CFAP97: variants seen among roughly 807,000 people sequenced by gnomAD.
CFAP97 encodes the protein cilia- and flagella-associated protein 97.
Under a neutral mutation model 43.1 loss-of-function variants are expected in CFAP97, and 36 were observed. The observed-to-expected ratio is 0.84, with a 90% CI of 0.64 to 1.10. CFAP97 has a LOEUF of 1.10. Ranked by LOEUF, CFAP97 falls within the 50% of genes least tolerant of loss-of-function variation. The pLI is 0.00. For synonymous variants in CFAP97, 228 were observed against 225.7 expected (o/e 1.01, Z -0.09); for missense variants, 657 against 620.3 (o/e 1.06, Z -0.63).
intron 1 of CFAP97, among the ~76,000 whole-genome samples, chr4:185,196,302 G>C (rs979421190): frequency 3.3e-5 from 5 of 151,934 alleles, no homozygotes; most frequent in Admixed American, 3.3e-4. Context: ...ATGAAACCCT[G>C]TCTCTACCAA....
upstream of CFAP97, chr4:185,209,848 A>G: frequency 1.0e-6 from 1 of 983,204 alleles, no homozygotes; most frequent in South Asian, 4.7e-5. This position sits in a 1 kb window ranked among gnomAD's most constrained non-coding sequence, Gnocchi z 5.2. Context: ...TGCGACCGAC[A>G]GTGGCGGCGC....
At chr4:185,203,842 G>A (rs1010008178) in intron 1 of CFAP97, 56 bp downstream of exon 1, 1 of 151,998 alleles carries the variant, frequency 6.6e-6, no homozygotes, top group African/African-American at 2.4e-5. Context: ...GAACGGAAAG[G>A]AGCGTGGCGG....
intron 1 of CFAP97, among the ~76,000 whole-genome samples, chr4:185,203,456 G>A (rs778755655): frequency 1.3e-5 from 2 of 152,108 alleles, no homozygotes; most frequent in African/African-American, 4.8e-5. Flanking sequence ...TGAAAATCCC[G>A]GCCCAAATTA....
chr4:185,206,053 T>C (rs1737175269), upstream of CFAP97, among the ~76,000 whole-genome samples: 1 of 152,246 alleles, frequency 6.6e-6, no homozygotes, highest in South Asian at 2.1e-4. Flanking sequence ...CCCTTATGCA[T>C]TGCTTGTGAG....
chr4:185,195,818 A>T (rs1736513091), intron 1 of CFAP97, among the ~76,000 whole-genome samples: 2 of 152,198 alleles, frequency 1.3e-5, no homozygotes, highest in South Asian at 4.1e-4. Flanking sequence ...TAGGTCTTAT[A>T]ACACTGTCAT....
intron 3 of CFAP97, among the ~76,000 whole-genome samples, chr4:185,173,499 C>A (rs1348140389): frequency 6.6e-6 from 1 of 151,968 alleles, no homozygotes; most frequent in Admixed American, 6.6e-5. Flanking sequence ...TGCCAATATT[C>A]ACTTCAGTAT....
intron 3 of CFAP97, chr4:185,169,861 A>G: frequency 1.0e-6 from 1 of 985,826 alleles, no homozygotes; most frequent in Non-Finnish European, 1.2e-6. Flanking sequence ...CTTCAACGGA[A>G]GGAGATAACA....
intron 1 of CFAP97, among the ~76,000 whole-genome samples, chr4:185,196,695 T>A (rs1736560589): frequency 6.6e-6 from 1 of 152,038 alleles, no homozygotes; most frequent in Non-Finnish European, 1.5e-5. Context: ...AGGTTAAACT[T>A]TGGGTGGTAT....
chr4:185,196,825 C>T (rs570909873), intron 1 of CFAP97, among the ~76,000 whole-genome samples: 2 of 152,026 alleles, frequency 1.3e-5, no homozygotes, highest in East Asian at 3.9e-4. Flanking sequence ...TAAGGCCAAG[C>T]GCAGTGGGTT....
intron 2 of CFAP97, among the ~76,000 whole-genome samples, chr4:185,180,548 G>C (rs984076683): frequency 6.6e-6 from 1 of 151,924 alleles, no homozygotes; most frequent in Non-Finnish European, 1.5e-5. Context: ...TTAGCATAAT[G>C]TCCTCACGGT....
At chr4:185,164,656 C>T (rs1251133951) in intron 3 of CFAP97, among the ~76,000 whole-genome samples, 2 of 152,158 alleles carry the variant, frequency 1.3e-5, no homozygotes, top group African/African-American at 4.8e-5. Context: ...ACCATGGCTT[C>T]AGGCTGCTAA....
intron 3 of CFAP97, among the ~76,000 whole-genome samples, chr4:185,167,369 G>C (rs1735112156): frequency 6.6e-6 from 1 of 152,160 alleles, no homozygotes; most frequent in African/African-American, 2.4e-5. Flanking sequence ...CCAAGAGGCA[G>C]AGGAGAATGG....
At chr4:185,178,109 T>C (rs1347238566) in intron 2 of CFAP97, among the ~76,000 whole-genome samples, 1 of 151,932 alleles carries the variant, frequency 6.6e-6, no homozygotes, top group Non-Finnish European at 1.5e-5. Context: ...CTTAGATGCA[T>C]AAAACATGTG....
In CFAP97 at chr4:185,160,228, T is replaced by C. The variant is rs1258367556; in HGVS notation, c.*2570A>G. ...AATAACTTTAATAGTTAAAAAACTTTCGTAGAATCTTACTAAAAAGGAGGC... is the reference window on the plus strand; with the variant it reads ...AATAACTTTAATAGTTAAAAAACTTCCGTAGAATCTTACTAAAAAGGAGGC... On this transcript the variant is annotated 3_prime_UTR_variant, in exon 5 of 5. Coordinates refer to ENST00000458385, the MANE Select transcript of CFAP97 (RefSeq NM_020827.3). The C allele has an allele frequency of 6.6e-6, 1 of 152,212 alleles. No homozygotes were observed. The highest frequency in any genetic ancestry group is 1.5e-5 in the Non-Finnish European group (1 of 68,042). The allele number at this position is 152,212 out of a possible 1,614,324, so 9.4% of individuals were successfully genotyped here. A position where few individuals can be genotyped will look rare whatever the true frequency, so the allele number is the denominator to read the frequency against.
At position 185,175,378 on chromosome 4, in the gene CFAP97, C is replaced by A. The variant is rs147372665; in HGVS notation, c.1320+408G>T. 2.5e-3 allele frequency among the ~76,000 whole-genome samples: 384 copies of A among 152,074 alleles called. 1 individual carries two copies. Among genetic ancestry groups the A allele is most frequent in the African/African-American group, 8.6e-3 (359 of 41,508 alleles). On this transcript the variant is annotated intron_variant, in intron 3 of 4. Coordinates refer to ENST00000458385, the MANE Select transcript of CFAP97 (RefSeq NM_020827.3). ...GCCTCCCGGGTTCAGATGCTCCTCC[C>A]ACCTCAGCTTTCCAAGTATCTGGGA... is the stretch of plus-strand genomic sequence containing the variant.
At chr4:185,191,391 C>A (rs897291367) in intron 1 of CFAP97, among the ~76,000 whole-genome samples, 179 bp from the exon 2 acceptor site, 1 of 152,108 alleles carries the variant, frequency 6.6e-6, no homozygotes, top group Non-Finnish European at 1.5e-5. Context: ...CTATGAGTAA[C>A]AAGTTCTACC....
intron 2 of CFAP97, among the ~76,000 whole-genome samples, chr4:185,179,345 T>C (rs1735690592): frequency 1.3e-5 from 2 of 151,906 alleles, no homozygotes; most frequent in Non-Finnish European, 2.9e-5. Context: ...ATTTACATTA[T>C]TTGACACTCC....
At chr4:185,205,867 C>T (rs975580082), upstream of CFAP97, among the ~76,000 whole-genome samples, 2 of 152,120 alleles carry the variant, frequency 1.3e-5, no homozygotes, top group Admixed American at 6.5e-5. Context: ...GTTTATCTTA[C>T]AAAGGACTTG....
At chr4:185,197,103 A>T (rs866972812) in intron 1 of CFAP97, among the ~76,000 whole-genome samples, 3 of 19,584 alleles carry the variant, frequency 1.5e-4, no homozygotes, top group East Asian at 5.2e-3. Context: ...CCTCTTAATT[A>T]AAAAAAAAAA....
Sources: allele counts gnomAD v4.1 joint callset (sites outside exome capture counted in the v4.1 genomes callset), GRCh38; gene constraint gnomAD v4.1.1; non-coding constraint Gnocchi (gnomAD v3.1); transcripts MANE v1.5; gene names NCBI Gene and HGNC (gene_info 2026-07-23, HGNC 2026-07-21).